Variants in UPK1B observed in about 807,000 individuals in gnomAD.
UPK1B encodes the protein uroplakin-1b.
Under a neutral mutation model 34.2 loss-of-function variants are expected in UPK1B, and 28 were observed. The observed-to-expected ratio is 0.82, with a 90% CI of 0.61 to 1.12. UPK1B has a LOEUF of 1.12. Among genes scored for constraint, UPK1B ranks in the 50% most tolerant of loss-of-function variants. The pLI, the probability that UPK1B is intolerant of heterozygous loss-of-function variation, is 0.00. For missense variants in UPK1B, 325 were observed against 320.9 expected (o/e 1.01, Z -0.10); for synonymous variants, 81 against 110.4 (o/e 0.73, Z 1.67).
intron 6 of UPK1B, 88 bp from the exon 7 acceptor site, chr3:119,198,969 T>C: frequency 6.9e-7 from 1 of 1,453,032 alleles, no homozygotes; most frequent in Non-Finnish European, 9.5e-7. Context: ...TGAGTAGCAT[T>C]GATTCCAATA....
intron 7 of UPK1B, among the ~76,000 whole-genome samples, chr3:119,201,912 A>C (rs144427009): frequency 6.6e-6 from 1 of 152,204 alleles, no homozygotes; most frequent in Admixed American, 6.5e-5. Context: ...GTAACAGTGA[A>C]GTTTCTATTT....
chr3:119,200,656 C>T (rs567748841), intron 7 of UPK1B, among the ~76,000 whole-genome samples: 4 of 152,140 alleles, frequency 2.6e-5, no homozygotes, highest in Admixed American at 6.5e-5. Context: ...ATCAAGTTCA[C>T]GGTGACAACT....
Position 119,197,875 on chromosome 3 carries a change from T to G in UPK1B, c.649-1182T>G, listed in dbSNP as rs1419685065. Among the ~76,000 whole-genome samples, 5 of 152,196 alleles carry G rather than the reference T, an allele frequency of 3.3e-5. No individual in the cohort carries two copies. In the East Asian group the frequency reaches 9.6e-4, roughly 29 times the overall value. On this transcript the variant is annotated intron_variant, in intron 6 of 7. Transcript: ENST00000264234. ...GGAAAGGCTTTGTTGAGATGATATT[T>G]GCAGAGGTTTGAATTAAGTGAGAAA...
intron 1 of UPK1B, among the ~76,000 whole-genome samples, chr3:119,178,861 A>C (rs2077971587): frequency 6.6e-6 from 1 of 152,196 alleles, no homozygotes; most frequent in South Asian, 2.1e-4. Context: ...TATGGAATGG[A>C]AACAGAAAAT....
intron 1 of UPK1B, among the ~76,000 whole-genome samples, chr3:119,175,406 T>C: frequency 6.6e-6 from 1 of 152,246 alleles, no homozygotes; most frequent in South Asian, 2.1e-4. Flanking sequence ...AAATATGCTC[T>C]GGAATTTGTG....
Position 119,179,507 on chromosome 3 carries a change from C to CTTTT in UPK1B, c.-29+5886_-29+5889dup, listed in dbSNP as rs71297415. 1.9e-4 allele frequency among the ~76,000 whole-genome samples: 10 copies of CTTTT among 52,252 alleles called. 1 individual carries two copies. Among genetic ancestry groups the CTTTT allele is most frequent in the Non-Finnish European group, 3.7e-4 (10 of 26,954 alleles). The allele number at this position is 52,252 out of a possible 152,430, so 34.3% of individuals were successfully genotyped here. A position where few individuals can be genotyped will look rare whatever the true frequency, so the allele number is the denominator to read the frequency against. Reference sequence around the variant, plus strand: ...TTTGGGGAAGAGTTGATGTTGCAGTCTTTTTTTTTTTTTTTTTTTTGAGAC... The same window carrying CTTTT: ...TTTGGGGAAGAGTTGATGTTGCAGTCTTTTTTTTTTTTTTTTTTTTTTTTGAGAC... On this transcript the variant is annotated intron_variant, in intron 1 of 7. Transcript: ENST00000264234.
At chr3:119,192,318 A>G (rs377202343) in intron 5 of UPK1B, among the ~76,000 whole-genome samples, 2 of 151,136 alleles carry the variant, frequency 1.3e-5, no homozygotes, top group East Asian at 3.9e-4. Flanking sequence ...GTCCTTCCCT[A>G]CCCTTCTCTG....
intron 3 of UPK1B, among the ~76,000 whole-genome samples, chr3:119,189,351 G>A (rs1346860640): frequency 6.6e-6 from 1 of 152,228 alleles, no homozygotes; most frequent in Non-Finnish European, 1.5e-5. Context: ...CAAAGAGGAG[G>A]ACAGTTTTCC....
intron 5 of UPK1B, 79 bp from the exon 6 acceptor site, chr3:119,194,136 TTCTC>T: frequency 7.5e-7 from 1 of 1,340,708 alleles, no homozygotes; most frequent in Non-Finnish European, 1.0e-6. Context: ...CGTATCTTCT[TTCTC>T]TATAAAATTT....
chr3:119,183,601 C>G (rs1257251400), intron 1 of UPK1B, among the ~76,000 whole-genome samples: 2 of 152,094 alleles, frequency 1.3e-5, no homozygotes, highest in Non-Finnish European at 2.9e-5. Flanking sequence ...AACAGCTTCT[C>G]CCCCTAGATC....
At chr3:119,190,115 G>A in intron 3 of UPK1B, 130 bp from the exon 4 acceptor site, 2 of 652,748 alleles carry the variant, frequency 3.1e-6, no homozygotes, top group South Asian at 4.7e-5. Context: ...GGTCAATGAG[G>A]GTTTGTTGAA....
At chr3:119,188,055 G>A (rs2078027465) in intron 3 of UPK1B, 80 bp downstream of exon 3, 1 of 1,463,680 alleles carries the variant, frequency 6.8e-7, no homozygotes, top group African/African-American at 1.4e-5. Context: ...GCAATGCTTT[G>A]GCTTTCAGTG....
At chr3:119,193,420 C>T (rs1414987634) in intron 5 of UPK1B, among the ~76,000 whole-genome samples, 1 of 152,132 alleles carries the variant, frequency 6.6e-6, no homozygotes, top group Non-Finnish European at 1.5e-5. Context: ...TTTTAACTTC[C>T]TCCCTTTTGA....
chr3:119,194,179 G>A, intron 5 of UPK1B, 40 bp from the exon 6 acceptor site: 4 of 1,603,358 alleles, frequency 2.5e-6, no homozygotes, highest in Non-Finnish European at 3.4e-6. Flanking sequence ...CTCTAGTAGG[G>A]ACCACGAAAG....
intron 7 of UPK1B, among the ~76,000 whole-genome samples, chr3:119,203,629 A>C (rs1222409560): frequency 6.6e-6 from 1 of 152,130 alleles, no homozygotes; most frequent in African/African-American, 2.4e-5. Flanking sequence ...GAGGGGAACA[A>C]CACACACCAG....
At chr3:119,196,535 CTTTTTT>C (rs34406185) in intron 6 of UPK1B, among the ~76,000 whole-genome samples, 19 of 107,174 alleles carry the variant, frequency 1.8e-4, no homozygotes, top group African/African-American at 5.2e-4. Flanking sequence ...TTTTCTTTTT[CTTTTTT>C]TTTTTTTTTT....
intron 6 of UPK1B, among the ~76,000 whole-genome samples, chr3:119,195,515 C>T (rs2078062985): frequency 6.6e-6 from 1 of 152,116 alleles, no homozygotes; most frequent in South Asian, 2.1e-4. Flanking sequence ...CAGCAGTGTC[C>T]AGAGCAACCC....
chr3:119,186,683 T>C, intron 1 of UPK1B, 31 bp from the exon 2 acceptor site: 1 of 1,570,194 alleles, frequency 6.4e-7, no homozygotes. Context: ...TTACAGAAAC[T>C]GTAGCAGTTA....
rs374721069 is a variant in UPK1B at position 119,175,012 on chromosome 3, C to CTTTTTTTTTTTTTTTTTTTT, written c.-29+1390_-29+1409dup. On this transcript the variant is annotated intron_variant, in intron 1 of 7. Coordinates refer to ENST00000264234, the MANE Select transcript of UPK1B (RefSeq NM_006952.4). Reference sequence around the variant, plus strand: ...CAGAACTTTTTTTTTCTTTTATTTTCTTTTTTTTTTTTTTTTTTTTTTTTT... The same window carrying CTTTTTTTTTTTTTTTTTTTT: ...CAGAACTTTTTTTTTCTTTTATTTTCTTTTTTTTTTTTTTTTTTTTTTTTTTTTTTTTTTTTTTTTTTTTT... 4.2e-4 allele frequency among the ~76,000 whole-genome samples: 28 copies of CTTTTTTTTTTTTTTTTTTTT among 67,438 alleles called. 3 individuals carry two copies. The highest frequency in any genetic ancestry group is 1.1e-3 in the African/African-American group (18 of 16,142). 44.2% of individuals were successfully genotyped at this position (67,438 alleles called of 152,430 possible).
Sources: gnomAD v4.1 joint callset for allele counts (sites outside exome capture counted in the v4.1 genomes callset) on GRCh38, gnomAD v4.1.1 for gene constraint, MANE v1.5 for transcripts, NCBI Gene and HGNC (gene_info 2026-07-23, HGNC 2026-07-21) for gene names.